IKBKG: variants seen among roughly 807,000 people sequenced by gnomAD.
IKBKG encodes the protein NF-kappa-B essential modulator.
A neutral mutation model predicts 13.7 loss-of-function variants in IKBKG; 2 were observed. The ratio of observed to expected loss-of-function variants is 0.15; its 90% CI spans 0.06 to 0.46. IKBKG has a LOEUF of 0.46. IKBKG is among the 20% of genes least tolerant of loss of function. IKBKG has a pLI of 0.98. For synonymous variants in IKBKG, 22 were observed against 64.4 expected, an observed-to-expected ratio of 0.34 and a Z score of 3.15; for missense variants, 53 against 150.3, an observed-to-expected ratio of 0.35 and a Z score of 3.39.
intron 1 of IKBKG, chrX:154,542,119 ACAT>A: frequency 2.3e-6 from 1 of 431,512 alleles, no homozygotes; most frequent in Non-Finnish European, 3.9e-6. Flanking sequence ...GGGAGTGCCA[ACAT>A]CATCATGACA....
At chrX:154,546,606 C>T (rs781945422), upstream of IKBKG, among the ~76,000 whole-genome samples, 2 of 111,340 alleles carry the variant, frequency 1.8e-5, no homozygotes, top group South Asian at 7.8e-4. Context: ...GTCGGCAAGT[C>T]CCCTTCGCTC....
upstream of IKBKG, among the ~76,000 whole-genome samples, chrX:154,542,995 GA>G (rs1354393848): frequency 5.1e-4 from 57 of 112,157 alleles, no homozygotes; most frequent in African/African-American, 1.5e-3. Flanking sequence ...TGCTTTCCTG[GA>G]ACAGCAGATT....
intron 2 of IKBKG, among the ~76,000 whole-genome samples, chrX:154,552,751 T>A (rs1484829507): frequency 8.9e-6 from 1 of 112,124 alleles, no homozygotes; most frequent in East Asian, 2.8e-4. Context: ...AGGTGAAGGC[T>A]GACTTCCCAC....
At chrX:154,545,726 T>G, upstream of IKBKG, 1 of 267,389 alleles carries the variant, frequency 3.7e-6, no homozygotes, top group Non-Finnish European at 6.8e-6. Flanking sequence ...TCTCAGCTAC[T>G]TGGGGGGCTG....
chrX:154,547,713 AC>A lies in IKBKG; in HGVS notation c.-45del. 7 of 754,317 alleles carry A rather than the reference AC, an allele frequency of 9.3e-6. No individual in the cohort carries two copies. The highest frequency in any genetic ancestry group is 1.1e-5 in the Non-Finnish European group (7 of 639,246). 62.2% of individuals were successfully genotyped at this position (754,317 alleles called of 1,213,427 possible). A position where few individuals can be genotyped will look rare whatever the true frequency, so the allele number is the denominator to read the frequency against. ...CCAGCGTTCACAGTCCGCCGCTCCC[AC>A]CCTTCTCACGTCTGACGGACTCTGC... On this transcript the variant is annotated 5_prime_UTR_variant, in exon 1 of 10. Transcript: ENST00000594239.
At chrX:154,554,051 C>A (rs2071002074) in intron 2 of IKBKG, among the ~76,000 whole-genome samples, 1 of 112,867 alleles carries the variant, frequency 8.9e-6, no homozygotes, top group Non-Finnish European at 1.9e-5. Context: ...TCCCCCTGCT[C>A]CGCCTGACCT....
intron 1 of IKBKG, among the ~76,000 whole-genome samples, chrX:154,548,994 C>CTT (rs1329510045): frequency 7.4e-5 from 7 of 94,040 alleles, no homozygotes; most frequent in Non-Finnish European, 1.1e-4. Context: ...TTCTTTCTTT[C>CTT]TTTTTTTTTT....
chrX:154,551,152 G>A (rs1447553271), intron 1 of IKBKG, among the ~76,000 whole-genome samples: 1 of 103,002 alleles, frequency 9.7e-6, no homozygotes, highest in Non-Finnish European at 2.0e-5. Context: ...GTTTCACCGT[G>A]TTAGCCAGGC....
chrX:154,547,040 G>A (rs946333925), upstream of IKBKG: 7 of 188,093 alleles, frequency 3.7e-5, no homozygotes, highest in East Asian at 5.5e-4. Flanking sequence ...GCTGGAGGCC[G>A]GCCCGCCGGC....
At chrX:154,545,574 C>T (rs2070678677), upstream of IKBKG, among the ~76,000 whole-genome samples, 1 of 111,817 alleles carries the variant, frequency 8.9e-6, no homozygotes, top group Admixed American at 9.5e-5. Context: ...GTGGCTCATG[C>T]CTGTCATCCC....
chrX:154,555,225 A>T (rs1323245680), intron 2 of IKBKG, among the ~76,000 whole-genome samples: 1 of 112,277 alleles, frequency 8.9e-6, no homozygotes, highest in Non-Finnish European at 1.9e-5. Flanking sequence ...TGGGCCTCTC[A>T]GGCTGCAGCC....
chrX:154,547,516 G>A, upstream of IKBKG: 2 of 754,952 alleles, frequency 2.6e-6, no homozygotes, highest in Non-Finnish European at 3.1e-6. Context: ...CTTCTCTCCG[G>A]AGCGGGATGC....
At chrX:154,555,069 G>A (rs1557235751) in intron 2 of IKBKG, among the ~76,000 whole-genome samples, 2 of 111,609 alleles carry the variant, frequency 1.8e-5, no homozygotes, top group Non-Finnish European at 3.8e-5. Flanking sequence ...CTGGTGAGGG[G>A]AGGACCAGCG....
chrX:154,546,710 A>G, upstream of IKBKG: 1 of 826,033 alleles, frequency 1.2e-6, no homozygotes, highest in Non-Finnish European at 1.7e-6. Flanking sequence ...CACAACAAAC[A>G]GCGTGTATTT....
At chrX:154,549,437 A>T (rs1331576229) in intron 1 of IKBKG, among the ~76,000 whole-genome samples, 5 of 97,165 alleles carry the variant, frequency 5.1e-5, no homozygotes, top group Admixed American at 2.2e-4. Context: ...ACTCCCAGCT[A>T]TTTTTTTTTT....
chrX:154,546,238 T>C, upstream of IKBKG: 11 of 1,153,205 alleles, frequency 9.5e-6, no homozygotes, highest in Non-Finnish European at 1.2e-5. Flanking sequence ...TCTTGAGAGT[T>C]CCTCTGGGGT....
upstream of IKBKG, among the ~76,000 whole-genome samples, chrX:154,543,181 G>C (rs1396031635): frequency 5.3e-5 from 6 of 112,364 alleles, no homozygotes; most frequent in African/African-American, 1.9e-4. Flanking sequence ...TTCAGAGAGA[G>C]GACCCCTTGT....
intron 1 of IKBKG, among the ~76,000 whole-genome samples, chrX:154,550,906 G>C (rs1384469779): frequency 9.1e-6 from 1 of 109,357 alleles, no homozygotes; most frequent in Non-Finnish European, 1.9e-5. Context: ...CCTGCCTCCC[G>C]GGTTCACGCC....
At chrX:154,553,017 G>A (rs1252282585) in intron 2 of IKBKG, among the ~76,000 whole-genome samples, 5 of 112,618 alleles carry the variant, frequency 4.4e-5, no homozygotes, top group African/African-American at 9.7e-5. Context: ...TTTCTGCTGC[G>A]GGGGCCTTCT....
Sources: allele counts gnomAD v4.1 joint callset (sites outside exome capture counted in the v4.1 genomes callset), GRCh38; gene constraint gnomAD v4.1.1; transcripts MANE v1.5; gene names NCBI Gene and HGNC (gene_info 2026-07-23, HGNC 2026-07-21).